POTEC: variants seen among roughly 807,000 people sequenced by gnomAD.
POTEC encodes the protein POTE ankyrin domain family member C, also known as ANKRD26-like family B member 2.
A neutral mutation model predicts 62.0 loss-of-function variants in POTEC; 35 were observed. That is an observed-to-expected ratio of 0.56 (90% CI 0.43 to 0.75). POTEC has a LOEUF of 0.75. POTEC is among the 30% of genes least tolerant of loss of function. The probability of loss-of-function intolerance (pLI) is 0.00; values close to 1 mark genes in which losing one functional copy is unlikely to be tolerated. For synonymous variants in POTEC, 156 were observed against 221.5 expected (o/e 0.70, Z 2.62); for missense variants, 472 against 655.9 (o/e 0.72, Z 3.06).
Position 14,513,717 on chromosome 18 carries a change from A to C in POTEC, c.1478T>G (p.Ile493Ser). ...TATCTGCTTTTGTTTATTAGTCAGA[A>C]TCTCATCTTGTGATATTCCAGTGTT... ...EQNTGISQDEILTNKQKQIEV... is the reference protein window; with the variant it reads ...EQNTGISQDESLTNKQKQIEV... Residue 493 changes from isoleucine (I) to serine (S), a missense_variant, in exon 10 of 11, where the codon ATT becomes AGT. By Grantham distance (142) the Ile-to-Ser change is moderately radical. Coordinates refer to ENST00000358970, the MANE Select transcript of POTEC (RefSeq NM_001137671.2). 3 of 1,611,794 alleles carry C rather than the reference A, an allele frequency of 1.9e-6. No individual in the cohort carries two copies. The highest frequency in any genetic ancestry group is 2.5e-6 in the Non-Finnish European group (3 of 1,179,792).
At chr18:14,522,544 A>T in intron 8 of POTEC, 124 bp from the exon 9 acceptor site, 2 of 1,480,696 alleles carry the variant, frequency 1.4e-6, no homozygotes, top group Non-Finnish European at 9.0e-7. Context: ...TCTCACACTT[A>T]AATTTGATCA....
At chr18:14,526,209 T>G (rs201745554) in intron 6 of POTEC, among the ~76,000 whole-genome samples, 47 of 152,204 alleles carry the variant, frequency 3.1e-4, no homozygotes, top group East Asian at 2.1e-3. Context: ...TATTTTCATC[T>G]TTTAAAACAA....
intron 6 of POTEC, chr18:14,528,944 G>C (rs1454505606): frequency 6.6e-6 from 3 of 454,236 alleles, no homozygotes; most frequent in Non-Finnish European, 8.8e-6. Flanking sequence ...TGCACTTGCT[G>C]CTCTTCCTGC....
chr18:14,535,868 C>T (rs1196639358), intron 3 of POTEC, among the ~76,000 whole-genome samples: 4 of 151,998 alleles, frequency 2.6e-5, no homozygotes, highest in South Asian at 4.2e-4. Flanking sequence ...TTTCTAAAGA[C>T]CTTCTGAATG....
At position 14,542,921 on chromosome 18, in the gene POTEC, C is replaced by A. The variant is rs769898937; in HGVS notation, c.226G>T (p.Gly76Cys). Residue 76 changes from glycine (G) to cysteine (C), a missense_variant, in exon 1 of 11, where the codon GGC becomes TGC. Physicochemically the swap from Gly to Cys is radical, Grantham distance 159 (BLOSUM62 -3). This residue lies in a region of POTEC where 257 missense variants were observed against 250.7 expected (regional missense o/e 1.03). Transcript: ENST00000358970. ...CCAGAAGTGCCCACGTTGCTCGTGC[C>A]GCTCCCCCTGCAGCAGGGGAAGCAG... ...HHCFPCCRGS[G>C]TSNVGTSGDH... 6.6e-7 allele frequency: 1 copy of A among 1,525,360 alleles called. No homozygotes were observed. The highest frequency in any genetic ancestry group is 8.8e-7 in the Non-Finnish European group (1 of 1,129,956). 94.5% of individuals were successfully genotyped at this position (1,525,360 alleles called of 1,614,324 possible).
rs1339032917 is a variant in POTEC at position 14,508,970 on chromosome 18, GTTTT to G, written c.*2924_*2927del. On this transcript the variant is annotated 3_prime_UTR_variant, in exon 11 of 11. Transcript: ENST00000358970. ...GGTGTAAGGTGGATTCAGCCAACAG[GTTTT>G]GTTTTTGGAGGATTTTAAGGGGCCA... is the stretch of plus-strand genomic sequence containing the variant. 6.6e-6 allele frequency: 1 copy of G among 152,080 alleles called. No homozygotes were observed. The highest frequency in any genetic ancestry group is 2.4e-5 in the African/African-American group (1 of 41,412). 9.4% of individuals were successfully genotyped at this position (152,080 alleles called of 1,614,324 possible).
chr18:14,515,787 T>G (rs1910133821), intron 9 of POTEC, among the ~76,000 whole-genome samples: 1 of 151,426 alleles, frequency 6.6e-6, no homozygotes, highest in Admixed American at 6.6e-5. Context: ...TAACAAAGGA[T>G]TAATGTCCAT....
chr18:14,518,425 T>C (rs913715160), intron 9 of POTEC, among the ~76,000 whole-genome samples: 4 of 152,098 alleles, frequency 2.6e-5, no homozygotes, highest in African/African-American at 9.7e-5. Flanking sequence ...ACAAAAAACC[T>C]TTTATTTGTA....
chr18:14,530,362 T>A (rs564341334), intron 6 of POTEC, 121 bp downstream of exon 6: 30 of 1,414,588 alleles, frequency 2.1e-5, no homozygotes, highest in Middle Eastern at 5.2e-4. Context: ...GGCTGAATAA[T>A]CCTGAAACCA....
chr18:14,529,237 A>G (rs1247258303), intron 6 of POTEC, among the ~76,000 whole-genome samples: 1 of 152,130 alleles, frequency 6.6e-6, no homozygotes, highest in Non-Finnish European at 1.5e-5. Context: ...GACAATGATA[A>G]TAACAAGCTC....
chr18:14,520,477 A>G (rs1367874207), intron 9 of POTEC, among the ~76,000 whole-genome samples: 2 of 152,194 alleles, frequency 1.3e-5, no homozygotes, highest in Non-Finnish European at 2.9e-5. Context: ...TCAAATATAC[A>G]AAGTAATTGA....
At chr18:14,530,825 C>T (rs909243516) in intron 5 of POTEC, among the ~76,000 whole-genome samples, 3 of 152,166 alleles carry the variant, frequency 2.0e-5, no homozygotes, top group Non-Finnish European at 4.4e-5. Flanking sequence ...AGTGTCCCAA[C>T]TCTGCATAAG....
chr18:14,512,684 T>A (rs1420029803), intron 10 of POTEC, among the ~76,000 whole-genome samples: 1 of 152,150 alleles, frequency 6.6e-6, no homozygotes, highest in African/African-American at 2.4e-5. Flanking sequence ...GGCAGGAGAA[T>A]CGTGTGTACC....
intron 6 of POTEC, among the ~76,000 whole-genome samples, chr18:14,529,977 T>C (rs1315849332): frequency 6.6e-6 from 1 of 152,054 alleles, no homozygotes; most frequent in Non-Finnish European, 1.5e-5. Context: ...TGGACTATTA[T>C]GAACCACACC....
chr18:14,512,780 C>T (rs1469919538), intron 10 of POTEC, among the ~76,000 whole-genome samples: 1 of 151,786 alleles, frequency 6.6e-6, no homozygotes, highest in Non-Finnish European at 1.5e-5. Flanking sequence ...AGAATACACA[C>T]ACACACACAC....
intron 9 of POTEC, among the ~76,000 whole-genome samples, chr18:14,517,654 G>A (rs1325103042): frequency 6.6e-6 from 1 of 152,130 alleles, no homozygotes; most frequent in Non-Finnish European, 1.5e-5. Flanking sequence ...CTGAGGTACA[G>A]AGTTCGAGAC....
At chr18:14,536,104 A>G (rs556973477) in intron 3 of POTEC, among the ~76,000 whole-genome samples, 140 of 151,610 alleles carry the variant, frequency 9.2e-4, no homozygotes, top group African/African-American at 3.3e-3. Context: ...CCTCATCTCT[A>G]CTAAAAAAAA....
In POTEC at chr18:14,507,966, A is replaced by T. The variant is rs1909890390; in HGVS notation, c.*3932T>A. On this transcript the variant is annotated 3_prime_UTR_variant, in exon 11 of 11. Transcript: ENST00000358970. ...TCTGATGGAATTCCCTTTGCAGGTG[A>T]TGTTGCCTTTCTCCCTAGCTGCCTT... is the stretch of plus-strand genomic sequence containing the variant. 6.6e-6 allele frequency: 1 copy of T among 152,088 alleles called. No individual in the cohort carries two copies. The highest frequency in any genetic ancestry group is 1.5e-5 in the Non-Finnish European group (1 of 68,022). 9.4% of individuals were successfully genotyped at this position (152,088 alleles called of 1,614,324 possible).
chr18:14,538,625 T>C (rs1285088325), intron 1 of POTEC, among the ~76,000 whole-genome samples: 4 of 151,710 alleles, frequency 2.6e-5, no homozygotes, highest in Non-Finnish European at 5.9e-5. Context: ...ACACAAAATA[T>C]AGAATAGTTC....
Sources: gnomAD v4.1 joint callset for allele counts (sites outside exome capture counted in the v4.1 genomes callset) on GRCh38, gnomAD v4.1.1 for gene constraint, gnomAD v4.1.1 regional missense constraint, MANE v1.5 for transcripts, NCBI Gene and HGNC (gene_info 2026-07-23, HGNC 2026-07-21) for gene names.